The following SYCP2 variants were observed in gnomAD, a reference collection of about 807,000 sequenced individuals.
SYCP2 encodes synaptonemal complex protein 2, also known as synaptonemal complex lateral element protein.
SYCP2 carries 55 observed loss-of-function variants against 211.3 expected under a neutral mutation model. The ratio of observed to expected loss-of-function variants is 0.26; its 90% CI spans 0.21 to 0.33. SYCP2 has a LOEUF of 0.33. Among genes scored for constraint, SYCP2 ranks in the 10% least tolerant of loss-of-function variants. SYCP2 has a pLI of 1.00. For missense variants in SYCP2, 1,731 were observed against 1,752.0 expected (o/e 0.99, Z 0.21); for synonymous variants, 570 against 555.2 (o/e 1.03, Z -0.37).
At chr20:59,912,439 AG>A in intron 12 of SYCP2, 21 bp from the exon 13 acceptor site, 1 of 937,632 alleles carries the variant, frequency 1.1e-6, no homozygotes, top group Non-Finnish European at 1.6e-6. Flanking sequence ...AAGTAGTTTA[AG>A]AAAAAAATAA....
In SYCP2 at chr20:59,913,985, C is replaced by T. The variant is rs767459620; in HGVS notation, c.820G>A (p.Asp274Asn). ...FLNLVNGMLG[D>N]KRRVFTFPCL... Reference sequence around the variant, plus strand: ...TTGCATTAAGTTTACCTTCTTTTGTCTCCAAGCATGCCATTTACAAGGTTG... The same window carrying T: ...TTGCATTAAGTTTACCTTCTTTTGTTTCCAAGCATGCCATTTACAAGGTTG... Residue 274 changes from aspartate to asparagine, a missense_variant, in exon 12 of 45, where the codon GAC becomes AAC. By Grantham distance (23) the Asp-to-Asn change is conservative. Coordinates refer to ENST00000357552, the MANE Select transcript of SYCP2 (RefSeq NM_014258.4). 3 of 1,599,354 alleles carry T rather than the reference C, an allele frequency of 1.9e-6. No individual in the cohort carries two copies. In the South Asian group the frequency reaches 3.4e-5, roughly 18 times the overall value.
chr20:59,917,261 T>A (rs1449146825), intron 7 of SYCP2, among the ~76,000 whole-genome samples: 2 of 152,078 alleles, frequency 1.3e-5, no homozygotes, highest in Non-Finnish European at 2.9e-5. Flanking sequence ...GACCAACACA[T>A]CTTAACCCCA....
chr20:59,880,752 T>C (rs1222985566), intron 30 of SYCP2, among the ~76,000 whole-genome samples: 3 of 151,812 alleles, frequency 2.0e-5, no homozygotes, highest in African/African-American at 4.8e-5. Context: ...TATAACCTAA[T>C]AGTATACATA....
At chr20:59,904,963 T>TA (rs2060187140) in intron 15 of SYCP2, among the ~76,000 whole-genome samples, 1 of 152,072 alleles carries the variant, frequency 6.6e-6, no homozygotes, top group Non-Finnish European at 1.5e-5. Context: ...ATGAAATAAT[T>TA]ATAGAAGAAA....
At chr20:59,930,152 A>C (rs923345890) in intron 2 of SYCP2, among the ~76,000 whole-genome samples, 4 of 152,152 alleles carry the variant, frequency 2.6e-5, no homozygotes, top group African/African-American at 9.7e-5. Context: ...TCATTCTCAT[A>C]ACTCTATCTT....
chr20:59,922,279 TA>T, intron 3 of SYCP2, 110 bp downstream of exon 3: 1 of 976,178 alleles, frequency 1.0e-6, no homozygotes, highest in Non-Finnish European at 1.5e-6. Context: ...GACCATTTCA[TA>T]AAAACATGTA....
rs562915754 is a variant in SYCP2, at chr20:59,904,247, C to A, written c.1034-2437G>T. 2.6e-5 allele frequency among the ~76,000 whole-genome samples: 4 copies of A among 152,242 alleles called. No individual in the cohort carries two copies. The East Asian group carries it at 7.7e-4, about 29-fold the overall frequency. On this transcript the variant is annotated intron_variant, in intron 15 of 44. Transcript: ENST00000357552. The stretch of plus-strand genomic sequence containing the variant: ...TCAATGTACTGCCTGATACAGGTAT[C>A]ATCCTCAGGCATATACTCAGTGTTC...
At chr20:59,885,849 C>T (rs2059777600) in intron 26 of SYCP2, 79 bp downstream of exon 26, 3 of 1,060,256 alleles carry the variant, frequency 2.8e-6, no homozygotes, top group Admixed American at 2.2e-5. Context: ...TTCCATTTTA[C>T]CACTATGCTA....
intron 2 of SYCP2, among the ~76,000 whole-genome samples, chr20:59,925,602 A>G (rs989250958): frequency 6.6e-5 from 10 of 152,094 alleles, no homozygotes; most frequent in Non-Finnish European, 1.3e-4. Context: ...ACCTCAGCCT[A>G]TTTAATGTCA....
chr20:59,908,503 C>T (rs908908150), intron 14 of SYCP2, among the ~76,000 whole-genome samples: 3 of 152,108 alleles, frequency 2.0e-5, no homozygotes, highest in Non-Finnish European at 4.4e-5. Flanking sequence ...CCTCCTATTT[C>T]TGTGTGTAAA....
intron 35 of SYCP2, among the ~76,000 whole-genome samples, chr20:59,872,449 C>T (rs746478674): frequency 3.2e-4 from 48 of 151,904 alleles, no homozygotes; most frequent in African/African-American, 1.1e-3. Flanking sequence ...AATAATGCCC[C>T]TCAAAAGCAA....
chr20:59,875,024 ATAT>A (rs1224297584), intron 34 of SYCP2, among the ~76,000 whole-genome samples: 20 of 152,054 alleles, frequency 1.3e-4, no homozygotes, highest in African/African-American at 4.8e-4. Context: ...TTGTGAATAT[ATAT>A]TATTTTCCAT....
chr20:59,920,334 AAT>A (rs1293582511), intron 5 of SYCP2, 23 bp downstream of exon 5: 3 of 1,533,760 alleles, frequency 2.0e-6, no homozygotes, highest in Non-Finnish European at 2.7e-6. Context: ...CATTCACATG[AAT>A]ATGTTACATA....
chr20:59,914,562 TTGTC>T lies in SYCP2; in HGVS notation c.635-315_635-312del, dbSNP rs566049955. On this transcript the variant is annotated intron_variant, in intron 10 of 44. Coordinates refer to ENST00000357552, the MANE Select transcript of SYCP2 (RefSeq NM_014258.4). ...ATAAAATGCAAAGTAACCCACACAG[TTGTC>T]TGTAAGTTACAAAGTCTGTTTTCCT... is the stretch of plus-strand genomic sequence containing the variant. 1.3e-3 allele frequency among the ~76,000 whole-genome samples: 194 copies of T among 152,120 alleles called. 1 individual carries two copies. Among genetic ancestry groups the T allele is most frequent in the African/African-American group, 3.8e-3 (157 of 41,580 alleles).
chr20:59,893,054 T>C (rs2059938288), intron 22 of SYCP2, 88 bp downstream of exon 22: 3 of 895,150 alleles, frequency 3.4e-6, no homozygotes, highest in East Asian at 2.5e-5. Context: ...ATTCTAATCA[T>C]ATACAGTCCT....
At chr20:59,907,489 T>A in intron 14 of SYCP2, 65 bp from the exon 15 acceptor site, 1 of 1,331,194 alleles carries the variant, frequency 7.5e-7, no homozygotes, top group Non-Finnish European at 1.1e-6. Context: ...TCTTTAAACA[T>A]CAAATTTCAA....
At chr20:59,917,666 A>C (rs909652370) in intron 7 of SYCP2, among the ~76,000 whole-genome samples, 1 of 144,478 alleles carries the variant, frequency 6.9e-6, no homozygotes, top group Admixed American at 6.7e-5. Context: ...GGCTCTGAAG[A>C]CAACAAGTAC....
chr20:59,882,013 G>T lies in SYCP2; in HGVS notation c.2601-11C>A. On this transcript the variant is annotated splice_polypyrimidine_tract_variant and intron_variant, in intron 27 of 44. Transcript: ENST00000357552. ...TTGTAAACATCATTCCTGTGAAAAT[G>T]AAGAGCAATATTAGCTCCACTTAAA... The T allele has an allele frequency of 6.2e-7, 1 of 1,612,280 alleles. No individual in the cohort carries two copies. Among genetic ancestry groups the T allele is most frequent in the Non-Finnish European group, 8.5e-7 (1 of 1,178,840 alleles).
In SYCP2 at chr20:59,891,933, T is replaced by G. The variant is rs1412732748; in HGVS notation, c.2364+57A>C. ...ATTAATCAAGTTTCTTTCTTTCTTA[T>G]GTTATCAAGTAGGCATCTTATGGAT... On this transcript the variant is annotated intron_variant, in intron 24 of 44. Coordinates refer to ENST00000357552, the MANE Select transcript of SYCP2 (RefSeq NM_014258.4). 2.1e-6 allele frequency: 3 copies of G among 1,400,256 alleles called. No homozygotes were observed. In the South Asian group the frequency reaches 4.3e-5, roughly 20 times the overall value. 86.7% of individuals were successfully genotyped at this position (1,400,256 alleles called of 1,614,324 possible).
Sources: gnomAD v4.1 joint callset for allele counts (sites outside exome capture counted in the v4.1 genomes callset) on GRCh38, gnomAD v4.1.1 for gene constraint, MANE v1.5 for transcripts, NCBI Gene and HGNC (gene_info 2026-07-23, HGNC 2026-07-21) for gene names.